SHE: variants seen among roughly 807,000 people sequenced by gnomAD.
The protein encoded by SHE is SH2 domain-containing adapter protein E.
Under a neutral mutation model 49.8 loss-of-function variants are expected in SHE, and 11 were observed. That is an observed-to-expected ratio of 0.22 (90% CI 0.14 to 0.37). SHE has a LOEUF of 0.37. Ranked by LOEUF, SHE falls within the 10% of genes least tolerant of loss-of-function variation. The pLI is 1.00. For missense variants in SHE, 624 were observed against 655.5 expected, an observed-to-expected ratio of 0.95 and a Z score of 0.52; for synonymous variants, 310 against 278.1, an observed-to-expected ratio of 1.11 and a Z score of -1.14.
chr1:154,476,874 G>A (rs1331219998), downstream of SHE, among the ~76,000 whole-genome samples: 1 of 152,100 alleles, frequency 6.6e-6, no homozygotes, highest in Non-Finnish European at 1.5e-5. Context: ...AAATTAGAAG[G>A]CAATCATTTA....
intron 1 of SHE, among the ~76,000 whole-genome samples, chr1:154,471,006 A>G: frequency 7.6e-6 from 1 of 131,322 alleles, no homozygotes. Context: ...AGTGAGTGAG[A>G]CTCCATCTCA....
intron 1 of SHE, among the ~76,000 whole-genome samples, chr1:154,471,862 G>T (rs1691754126): frequency 6.6e-6 from 1 of 152,184 alleles, no homozygotes; most frequent in African/African-American, 2.4e-5. Context: ...ATGTCAGTAT[G>T]ATTTTTTAAA....
intron 2 of SHE, among the ~76,000 whole-genome samples, chr1:154,496,678 GTTTT>G (rs1208607380): frequency 2.6e-5 from 4 of 151,508 alleles, no homozygotes. Flanking sequence ...CTTTGATCTT[GTTTT>G]TTGTCACCCT....
chr1:154,494,374 GTTTTT>G (rs779645667), intron 2 of SHE, among the ~76,000 whole-genome samples: 4 of 118,748 alleles, frequency 3.4e-5, no homozygotes, highest in African/African-American at 9.3e-5. Context: ...AGACATAACA[GTTTTT>G]TTTTTTTTTT....
intron 5 of SHE, 134 bp downstream of exon 5, chr1:154,485,809 C>T (rs1406178555): frequency 9.3e-7 from 1 of 1,070,326 alleles, no homozygotes; most frequent in Non-Finnish European, 1.3e-6. Flanking sequence ...GTTCCATTGT[C>T]CAAACAAATG....
intron 2 of SHE, among the ~76,000 whole-genome samples, chr1:154,496,577 G>T (rs1692537897): frequency 6.6e-6 from 1 of 152,080 alleles, no homozygotes; most frequent in Non-Finnish European, 1.5e-5. Flanking sequence ...TGGTGTCAGG[G>T]GCAGACCACT....
In SHE at chr1:154,492,155, T is replaced by C. The variant is rs552645145; in HGVS notation, c.719-2799A>G. On this transcript the variant is annotated intron_variant, in intron 2 of 5. Coordinates refer to ENST00000304760, the MANE Select transcript of SHE (RefSeq NM_001010846.3). Reference sequence around the variant, plus strand: ...AAAACTTAGGTATAGGCTGAGGTTATAGTTCTCTGCTGACTAGGGGCTGTC... The same window carrying C: ...AAAACTTAGGTATAGGCTGAGGTTACAGTTCTCTGCTGACTAGGGGCTGTC... 2.0e-4 allele frequency among the ~76,000 whole-genome samples: 31 copies of C among 152,324 alleles called. No individual in the cohort carries two copies. The South Asian group carries it at 4.8e-3, about 23-fold the overall frequency.
chr1:154,470,389 G>C (rs1471270805), intron 1 of SHE: 2 of 1,289,018 alleles, frequency 1.6e-6, no homozygotes, highest in African/African-American at 3.0e-5. Flanking sequence ...GGAATATGCA[G>C]TTACTGGAGC....
Position 154,480,865 on chromosome 1 carries a change from T to C in SHE, c.*3284A>G, listed in dbSNP as rs1048947063. The C allele has an allele frequency of 7.1e-6, 7 of 985,304 alleles. No homozygotes were observed. The East Asian group carries it at 5.7e-4, about 80-fold the overall frequency. The allele number at this position is 985,304 out of a possible 1,614,324, so 61.0% of individuals were successfully genotyped here. Reference sequence around the variant, plus strand: ...CAAGGTCCTTTACTCTCTCTTCTTATAGGCCTGAAACTAACCAACTGAACT... The same window carrying C: ...CAAGGTCCTTTACTCTCTCTTCTTACAGGCCTGAAACTAACCAACTGAACT... On this transcript the variant is annotated 3_prime_UTR_variant, in exon 6 of 6. Coordinates refer to ENST00000304760, the MANE Select transcript of SHE (RefSeq NM_001010846.3).
intron 1 of SHE, among the ~76,000 whole-genome samples, chr1:154,474,391 C>T (rs1212526704): frequency 6.6e-6 from 1 of 152,202 alleles, no homozygotes; most frequent in African/African-American, 2.4e-5. Context: ...AAGCCACTTC[C>T]CCTCCATCTA....
rs1460637957 is a variant in SHE, at chr1:154,501,929, C to A, written c.98G>T (p.Arg33Leu). 2.0e-6 allele frequency: 3 copies of A among 1,487,394 alleles called. No individual in the cohort carries two copies. The highest frequency in any genetic ancestry group is 1.8e-6 in the Non-Finnish European group (2 of 1,127,908). The allele number at this position is 1,487,394 out of a possible 1,614,324, so 92.1% of individuals were successfully genotyped here. Residue 33 changes from arginine to leucine, a missense_variant, in exon 1 of 6, where the codon CGG becomes CTG. Transcript: ENST00000304760. Reference protein sequence around the residue: ...TAPTLLGRAGRGPLMAAKWFK... With the variant: ...TAPTLLGRAGLGPLMAAKWFK... ...CCACTTGGCCGCCATGAGGGGGCCC[C>A]GGCCGGCTCGGCCCAGGAGCGTCGG...
chr1:154,472,454 C>T (rs1302805158), intron 1 of SHE, among the ~76,000 whole-genome samples: 1 of 152,204 alleles, frequency 6.6e-6, no homozygotes, highest in Non-Finnish European at 1.5e-5. Flanking sequence ...ATATAAGCTG[C>T]CCAGATGGTT....
At chr1:154,486,095 C>G in intron 4 of SHE, 33 bp from the exon 5 acceptor site, 1 of 1,601,092 alleles carries the variant, frequency 6.2e-7, no homozygotes. Flanking sequence ...GGGAAAGCAC[C>G]ATGAGTGTCA....
At chr1:154,485,708 C>T (rs372566045) in intron 5 of SHE, 3 of 454,412 alleles carry the variant, frequency 6.6e-6, no homozygotes, top group Non-Finnish European at 1.2e-5. Flanking sequence ...GACTAATGCA[C>T]AAAGATAATG....
Position 154,501,671 on chromosome 1 carries a change from C to A in SHE, c.356G>T (p.Gly119Val). The part of the protein sequence containing the change: ...QGLIQAAAGK[G>V]RKNSRATEEE... Reference sequence around the variant, plus strand: ...CTCCGTGGCCCGGGAGTTTTTGCGGCCCTTGCCCGCGGCGGCCTGAATCAG... The same window carrying A: ...CTCCGTGGCCCGGGAGTTTTTGCGGACCTTGCCCGCGGCGGCCTGAATCAG... The change falls in exon 1 of 6, where the codon GGC becomes GTC. Residue 119 changes from glycine (G) to valine (V), a missense_variant. By Grantham distance (109) the Gly-to-Val change is moderately radical. Coordinates refer to ENST00000304760, the MANE Select transcript of SHE (RefSeq NM_001010846.3). 6.2e-7 allele frequency: 1 copy of A among 1,613,740 alleles called. No homozygotes were observed. Among genetic ancestry groups the A allele is most frequent in the Non-Finnish European group, 8.5e-7 (1 of 1,179,910 alleles).
rs942711140 is a variant in SHE, at chr1:154,483,409, G to A, written c.*740C>T. On this transcript the variant is annotated 3_prime_UTR_variant, in exon 6 of 6. Coordinates refer to ENST00000304760, the MANE Select transcript of SHE (RefSeq NM_001010846.3). ...CCCGCTCATTCATTTCCCCAATAAC[G>A]AGTCCAATATAACATCCTCTTCCAG... 16 of 985,146 alleles carry A rather than the reference G, an allele frequency of 1.6e-5. No individual in the cohort carries two copies. Among genetic ancestry groups the A allele is most frequent in the South Asian group, 4.7e-5 (1 of 21,280 alleles). 61.0% of individuals were successfully genotyped at this position (985,146 alleles called of 1,614,324 possible).
chr1:154,488,649 C>T (rs954372125), intron 3 of SHE, among the ~76,000 whole-genome samples: 3 of 151,998 alleles, frequency 2.0e-5, no homozygotes, highest in Admixed American at 1.3e-4. Context: ...TGCAGTGGCA[C>T]GATCTTGACT....
chr1:154,480,090 G>C lies in SHE; in HGVS notation c.*4059C>G. ...TGAACAGAAGGCCCACTGCACAGCA[G>C]GCCAAGTTTCTCTAGTCCACGTTAG... On this transcript the variant is annotated 3_prime_UTR_variant, in exon 6 of 6. Coordinates refer to ENST00000304760, the MANE Select transcript of SHE (RefSeq NM_001010846.3). The C allele has an allele frequency of 7.1e-6, 7 of 985,512 alleles. No homozygotes were observed. Among genetic ancestry groups the C allele is most frequent in the Non-Finnish European group, 8.4e-6 (7 of 829,950 alleles). 61.0% of individuals were successfully genotyped at this position (985,512 alleles called of 1,614,324 possible).
At chr1:154,470,735 G>A (rs893608606) in intron 1 of SHE, among the ~76,000 whole-genome samples, 1 of 152,222 alleles carries the variant, frequency 6.6e-6, no homozygotes, top group Non-Finnish European at 1.5e-5. Context: ...AGCTATTCTG[G>A]AGGCTGAGGC....
Sources: allele counts gnomAD v4.1 joint callset (sites outside exome capture counted in the v4.1 genomes callset), GRCh38; gene constraint gnomAD v4.1.1; transcripts MANE v1.5; gene names NCBI Gene and HGNC (gene_info 2026-07-23, HGNC 2026-07-21).